Variants in URB1 observed in about 807,000 individuals in gnomAD.
The protein encoded by URB1 is nucleolar pre-ribosomal-associated protein 1.
Under a neutral mutation model 242.3 loss-of-function variants are expected in URB1, and 197 were observed. The ratio of observed to expected loss-of-function variants is 0.81; its 90% CI spans 0.72 to 0.91. The LOEUF is 0.91. URB1 is among the 40% of genes least tolerant of loss of function. The pLI, the probability that URB1 is intolerant of heterozygous loss-of-function variation, is 0.00. For synonymous variants in URB1, 1,153 were observed against 1,201.8 expected (o/e 0.96, Z 0.84); for missense variants, 2,721 against 2,860.5 (o/e 0.95, Z 1.11).
At chr21:32,379,149 G>A (rs2033493496) in intron 4 of URB1, among the ~76,000 whole-genome samples, 1 of 152,206 alleles carries the variant, frequency 6.6e-6, no homozygotes, top group Non-Finnish European at 1.5e-5. Flanking sequence ...CACTGGGCAC[G>A]TTTGGGGAGG....
In URB1 at chr21:32,313,939, GAAAACACAAAAACCTTACAA is replaced by G. The variant is rs1422423871; in HGVS notation, c.*959_*978del. On this transcript the variant is annotated 3_prime_UTR_variant, in exon 39 of 39. Coordinates refer to ENST00000382751, the MANE Select transcript of URB1 (RefSeq NM_014825.3). ...AATAGCCTCTTGACAACAATGAAAG[GAAAACACAAAAACCTTACAA>G]AAATAGACATTAACAAGCATTTATA... 1 of 152,854 alleles carries G rather than the reference GAAAACACAAAAACCTTACAA, an allele frequency of 6.5e-6. No individual in the cohort carries two copies. The highest frequency in any genetic ancestry group is 1.5e-5 in the Non-Finnish European group (1 of 68,598). 9.5% of individuals were successfully genotyped at this position (152,854 alleles called of 1,614,324 possible).
rs1157842893 is a variant in URB1, at chr21:32,324,580, A to C, written c.5144T>G (p.Val1715Gly). Residue 1715 changes from valine to glycine, a missense_variant, in exon 32 of 39, where the codon GTC becomes GGC. Physicochemically the swap from Val to Gly is moderately radical, Grantham distance 109. Coordinates refer to ENST00000382751, the MANE Select transcript of URB1 (RefSeq NM_014825.3). ...QSQLLYLLDV[V>G]RNGIRTQDMR... ...GTCCTGAGTTCGAATCCCATTCCGG[A>C]CTACATCCAACAGGTAAAGTAGCTT... The C allele has an allele frequency of 6.4e-7, 1 of 1,551,724 alleles. No homozygotes were observed. The highest frequency in any genetic ancestry group is 1.2e-5 in the South Asian group (1 of 84,060).
intron 9 of URB1, 72 bp downstream of exon 9, chr21:32,368,331 G>A: frequency 2.9e-6 from 4 of 1,386,922 alleles, no homozygotes; most frequent in Non-Finnish European, 2.9e-6. Context: ...GCCTCCCGAA[G>A]TGCTGGGATT....
chr21:32,344,005 GA>G (rs2033058122), intron 24 of URB1, among the ~76,000 whole-genome samples: 1 of 152,202 alleles, frequency 6.6e-6, no homozygotes, highest in African/African-American at 2.4e-5. Flanking sequence ...CAACAAGTTT[GA>G]AATACTTAAA....
chr21:32,311,827 C>G lies in URB1; in HGVS notation c.*3091G>C, dbSNP rs777253425. On this transcript the variant is annotated 3_prime_UTR_variant, in exon 39 of 39. Transcript: ENST00000382751. ...AGCTCAGTGGAGCCAGGGAGCAGAA[C>G]TGGCCCTGACCAGCCGCTACGACAG... 93 of 1,613,794 alleles carry G rather than the reference C, an allele frequency of 5.8e-5. No individual in the cohort carries two copies. Among genetic ancestry groups the G allele is most frequent in the Non-Finnish European group, 7.5e-5 (89 of 1,180,050 alleles).
intron 28 of URB1, 46 bp downstream of exon 28, chr21:32,337,048 C>G (rs2032967398): frequency 3.3e-6 from 5 of 1,522,502 alleles, no homozygotes; most frequent in Non-Finnish European, 4.5e-6. Context: ...GTGTGGAGAG[C>G]AGGCTGTGAC....
In URB1 at chr21:32,344,756, C is replaced by T; in HGVS notation, c.4071G>A (p.Arg1357=). ...CTGAAATGGAGTCGGCCACGATCCA[C>T]CTGCAGCAGGAGATGAGAGTCAGAG... ...SLLHTPSSHK[R]WIVADSISAA... The change falls in exon 24 of 39, where the codon AGG becomes AGA. Residue 1357 remains arginine (R), a splice_region_variant and synonymous_variant. Coordinates refer to ENST00000382751, the MANE Select transcript of URB1 (RefSeq NM_014825.3). 1 of 1,549,988 alleles carries T rather than the reference C, an allele frequency of 6.5e-7. No homozygotes were observed.
intron 32 of URB1, among the ~76,000 whole-genome samples, chr21:32,324,245 T>TG (rs2032800277): frequency 6.6e-6 from 1 of 152,270 alleles, no homozygotes; most frequent in Non-Finnish European, 1.5e-5. Context: ...CACTTTGCTT[T>TG]GCCATCTACT....
intron 30 of URB1, among the ~76,000 whole-genome samples, chr21:32,327,424 A>G (rs2032842295): frequency 6.6e-6 from 1 of 152,186 alleles, no homozygotes; most frequent in African/African-American, 2.4e-5. Context: ...AAAAAAGCTA[A>G]AACAATTGGT....
chr21:32,368,784 T>A (rs953244465), intron 8 of URB1, among the ~76,000 whole-genome samples, 186 bp from the exon 9 acceptor site: 9 of 152,134 alleles, frequency 5.9e-5, no homozygotes, highest in African/African-American at 2.2e-4. Context: ...CACAGAGGGC[T>A]TCCCTCTCAT....
rs2033319441 is a variant in URB1 at position 32,364,089 on chromosome 21, T to TC, written c.1336-761dup. 5.3e-5 allele frequency among the ~76,000 whole-genome samples: 8 copies of TC among 151,904 alleles called. No homozygotes were observed. The South Asian group carries it at 1.7e-3, about 32-fold the overall frequency. Reference sequence around the variant, plus strand: ...AGGTACTTTAGTATGAAAATCCACCTCCAAGCTCAATGAGCAAGCAACCCA... The same window carrying TC: ...AGGTACTTTAGTATGAAAATCCACCTCCCAAGCTCAATGAGCAAGCAACCCA... On this transcript the variant is annotated intron_variant, in intron 10 of 38. Transcript: ENST00000382751.
chr21:32,315,179 G>T lies in URB1; in HGVS notation c.6635-80C>A, dbSNP rs143757295. The stretch of plus-strand genomic sequence containing the variant: ...CAGGTCATCCTGCCCACAATGCAAC[G>T]GCTTTGCCAAGTGCCCAAATGAACC... On this transcript the variant is annotated intron_variant, in intron 38 of 38. Coordinates refer to ENST00000382751, the MANE Select transcript of URB1 (RefSeq NM_014825.3). 8.3e-4 allele frequency: 1,140 copies of T among 1,380,680 alleles called. 11 individuals are homozygous for T. The East Asian group carries it at 0.025, about 30-fold the overall frequency. The allele number at this position is 1,380,680 out of a possible 1,614,324, so 85.5% of individuals were successfully genotyped here. A position where few individuals can be genotyped will look rare whatever the true frequency, so the allele number is the denominator to read the frequency against.
intron 35 of URB1, 28 bp from the exon 36 acceptor site, chr21:32,319,442 C>A: frequency 6.7e-7 from 1 of 1,489,792 alleles, no homozygotes. Flanking sequence ...AGCCTTCAAT[C>A]CGCCACATCC....
At chr21:32,342,723 G>A (rs2033045146) in intron 24 of URB1, among the ~76,000 whole-genome samples, 1 of 26,780 alleles carries the variant, frequency 3.7e-5, no homozygotes, top group African/African-American at 1.4e-4. Context: ...CAGAGCAGCT[G>A]GAATTACAGG....
intron 5 of URB1, among the ~76,000 whole-genome samples, chr21:32,377,527 C>A (rs2033473031): frequency 2.0e-5 from 3 of 151,458 alleles, no homozygotes; most frequent in African/African-American, 7.3e-5. Context: ...TGCCTGGTAA[C>A]AAGTAGGAAA....
At chr21:32,354,785 T>C (rs1169825518) in intron 17 of URB1, 74 bp downstream of exon 17, 4 of 1,504,812 alleles carry the variant, frequency 2.7e-6, no homozygotes, top group Non-Finnish European at 2.7e-6. Flanking sequence ...GCAGTTCTTG[T>C]TCTCAATCTC....
intron 29 of URB1, among the ~76,000 whole-genome samples, chr21:32,333,621 CATGCAGGTAACTTT>C (rs1471190896): frequency 2.0e-5 from 3 of 152,158 alleles, no homozygotes; most frequent in Non-Finnish European, 4.4e-5. Context: ...ATATACATAG[CATGCAGGTAACTTT>C]ATACAGGAAT....
At position 32,361,877 on chromosome 21, in the gene URB1, C is replaced by A. The variant is rs2033291864; in HGVS notation, c.1639+15G>T. The A allele has an allele frequency of 1.9e-6, 3 of 1,550,008 alleles. No individual in the cohort carries two copies. The highest frequency in any genetic ancestry group is 2.6e-6 in the Non-Finnish European group (3 of 1,146,470). On this transcript the variant is annotated intron_variant, in intron 12 of 38. Transcript: ENST00000382751. ...TGCAAAAGGCAGAGGGTCCCCCTCA[C>A]CCCTGAGACCTTACCGCACTGGTGA... is the stretch of plus-strand genomic sequence containing the variant.
chr21:32,343,376 T>C (rs1191618901), intron 24 of URB1, among the ~76,000 whole-genome samples: 1 of 152,166 alleles, frequency 6.6e-6, no homozygotes, highest in Non-Finnish European at 1.5e-5. Context: ...TGGATGAATC[T>C]GGAAAGCATC....
Sources: gnomAD v4.1 joint callset for allele counts (sites outside exome capture counted in the v4.1 genomes callset) on GRCh38, gnomAD v4.1.1 for gene constraint, MANE v1.5 for transcripts, NCBI Gene and HGNC (gene_info 2026-07-23, HGNC 2026-07-21) for gene names.